The following DNER variants were observed in gnomAD, a reference collection of about 807,000 sequenced individuals.
DNER encodes the protein delta/notch like EGF repeat containing.
DNER carries 33 observed loss-of-function variants against 78.2 expected under a neutral mutation model. The ratio of observed to expected loss-of-function variants is 0.42; its 90% CI spans 0.32 to 0.56. The LOEUF (loss-of-function observed/expected upper bound fraction) is 0.56, where lower values mean the gene tolerates loss of function less well. Ranked by LOEUF, DNER falls within the 20% of genes least tolerant of loss-of-function variation. The probability of loss-of-function intolerance (pLI) is 0.11; values close to 1 mark genes in which losing one functional copy is unlikely to be tolerated. For missense variants in DNER, 918 were observed against 975.3 expected (o/e 0.94, Z 0.78); for synonymous variants, 417 against 384.8 (o/e 1.08, Z -0.98).
intron 8 of DNER, among the ~76,000 whole-genome samples, chr2:229,441,295 T>C (rs191255241): frequency 2.0e-5 from 3 of 150,852 alleles, no homozygotes; most frequent in African/African-American, 7.2e-5. Flanking sequence ...ATTCAATCAA[T>C]TGCCATCCTC....
At chr2:229,502,283 C>T (rs1695635680) in intron 6 of DNER, among the ~76,000 whole-genome samples, 1 of 152,188 alleles carries the variant, frequency 6.6e-6, no homozygotes, top group Non-Finnish European at 1.5e-5. Context: ...AAACAGATAT[C>T]TACGGGTGCT....
At chr2:229,477,459 G>C (rs530144459) in intron 6 of DNER, among the ~76,000 whole-genome samples, 10 of 152,092 alleles carry the variant, frequency 6.6e-5, no homozygotes, top group African/African-American at 1.9e-4. Context: ...TTCAAAAATC[G>C]TTTACTCTGC....
In DNER at chr2:229,521,795, G is replaced by A. The variant is rs765341500; in HGVS notation, c.994-8859C>T. Among the ~76,000 whole-genome samples, 12 of 152,140 alleles carry A rather than the reference G, an allele frequency of 7.9e-5. 1 individual carries two copies. Among genetic ancestry groups the A allele is most frequent in the Admixed American group, 7.9e-4 (12 of 15,276 alleles). On this transcript the variant is annotated intron_variant, in intron 5 of 12. Transcript: ENST00000341772. ...CAAGAACACATGGAACCTAGCCACA[G>A]AGACAAACTGTTGCTCTTTGGGGGA...
At chr2:229,391,602 C>T (rs1234795457) in intron 10 of DNER, among the ~76,000 whole-genome samples, 3 of 152,118 alleles carry the variant, frequency 2.0e-5, no homozygotes, top group African/African-American at 7.2e-5. Flanking sequence ...AGTGCAGTGG[C>T]ACAATCTCGG....
chr2:229,558,666 G>A (rs540246773), intron 4 of DNER, among the ~76,000 whole-genome samples: 1 of 152,332 alleles, frequency 6.6e-6, no homozygotes, highest in Admixed American at 6.5e-5. Context: ...GGACTGGGCT[G>A]CAGGATGGGG....
intron 1 of DNER, among the ~76,000 whole-genome samples, chr2:229,683,824 G>A (rs1699429389): frequency 6.6e-6 from 1 of 152,144 alleles, no homozygotes; most frequent in African/African-American, 2.4e-5. Context: ...GCCAAAGTAG[G>A]GATGGGGGCT....
At chr2:229,414,291 C>T (rs1022021657) in intron 9 of DNER, among the ~76,000 whole-genome samples, 4 of 152,080 alleles carry the variant, frequency 2.6e-5, no homozygotes, top group African/African-American at 9.7e-5. Context: ...ACTTTATCTG[C>T]CCATTGGATT....
At chr2:229,489,775 A>C (rs1224892547) in intron 6 of DNER, among the ~76,000 whole-genome samples, 2 of 152,106 alleles carry the variant, frequency 1.3e-5, no homozygotes, top group Admixed American at 6.5e-5. Context: ...AGTGCTCTGG[A>C]AGCCAGGTGA....
At chr2:229,411,937 A>G (rs903341006) in intron 9 of DNER, among the ~76,000 whole-genome samples, 1 of 152,240 alleles carries the variant, frequency 6.6e-6, no homozygotes, top group African/African-American at 2.4e-5. Flanking sequence ...GTTATGTTGT[A>G]AAAACATGAG....
At chr2:229,612,654 T>C (rs944905551) in intron 1 of DNER, among the ~76,000 whole-genome samples, 11 of 152,366 alleles carry the variant, frequency 7.2e-5, no homozygotes, top group African/African-American at 2.4e-4. Context: ...TTTTGCACTT[T>C]GCCAGAATGG....
chr2:229,490,035 G>A (rs1302936854), intron 6 of DNER, among the ~76,000 whole-genome samples: 1 of 152,082 alleles, frequency 6.6e-6, no homozygotes, highest in Non-Finnish European at 1.5e-5. Context: ...AGGAGGAGAG[G>A]AGGAAGAGAC....
intron 6 of DNER, 91 bp downstream of exon 6, chr2:229,512,692 C>G: frequency 6.5e-7 from 1 of 1,527,486 alleles, no homozygotes; most frequent in Non-Finnish European, 8.9e-7. Flanking sequence ...CAAGTACCAC[C>G]TGTTCTCCAA....
At chr2:229,415,209 G>A (rs1264845025) in intron 9 of DNER, among the ~76,000 whole-genome samples, 1 of 152,034 alleles carries the variant, frequency 6.6e-6, no homozygotes, top group Non-Finnish European at 1.5e-5. Flanking sequence ...ACTGGAAGCA[G>A]TGGGGTCTCT....
intron 6 of DNER, among the ~76,000 whole-genome samples, chr2:229,507,087 T>A (rs1003774016): frequency 6.6e-5 from 10 of 152,218 alleles, no homozygotes; most frequent in African/African-American, 2.4e-4. Context: ...AACACAATGA[T>A]AAGTATATTT....
intron 5 of DNER, among the ~76,000 whole-genome samples, chr2:229,545,428 A>G (rs1425339137): frequency 3.3e-5 from 5 of 152,164 alleles, no homozygotes; most frequent in Non-Finnish European, 2.9e-5. Flanking sequence ...TACAAAAATT[A>G]GCTGGACACA....
At chr2:229,687,548 G>A (rs1699506351) in intron 1 of DNER, among the ~76,000 whole-genome samples, 1 of 151,960 alleles carries the variant, frequency 6.6e-6, no homozygotes, top group Admixed American at 6.6e-5. Context: ...TTACAGACGT[G>A]AGCAACCACA....
At chr2:229,473,541 T>C (rs984780695) in intron 7 of DNER, among the ~76,000 whole-genome samples, 3 of 152,174 alleles carry the variant, frequency 2.0e-5, no homozygotes, top group African/African-American at 4.8e-5. Context: ...TTGATTCTCA[T>C]TGTTGTGAGA....
At chr2:229,462,544 A>G (rs35767843) in intron 7 of DNER, among the ~76,000 whole-genome samples, 36,207 of 151,906 alleles carry the variant, frequency 0.24, 5,107 homozygotes, top group East Asian at 0.36. Flanking sequence ...GAACCCAAAC[A>G]CTTTCTTGCA....
intron 7 of DNER, among the ~76,000 whole-genome samples, chr2:229,460,428 C>T (rs1375774031): frequency 1.3e-5 from 2 of 151,524 alleles, no homozygotes; most frequent in Non-Finnish European, 2.9e-5. Context: ...AGTCAATATA[C>T]AAAAATTATA....
Sources: gnomAD v4.1 joint callset for allele counts (sites outside exome capture counted in the v4.1 genomes callset) on GRCh38, gnomAD v4.1.1 for gene constraint, MANE v1.5 for transcripts, NCBI Gene and HGNC (gene_info 2026-07-23, HGNC 2026-07-21) for gene names.